NR2F1-AS1: variants seen among roughly 807,000 people sequenced by gnomAD.
NR2F1-AS1 encodes NR2F1 antisense RNA 1.
chr5:93,531,309 T>TAA (rs35973175), intron 4 of NR2F1-AS1, among the ~76,000 whole-genome samples: 108,999 of 151,342 alleles, frequency 0.72, 39,685 homozygotes, highest in East Asian at 0.85. Context: ...TGTTTGCAAG[T>TAA]AAAAATTGTA....
At chr5:93,475,037 T>C (rs2149872203) in intron 4 of NR2F1-AS1, among the ~76,000 whole-genome samples, 1 of 149,080 alleles carries the variant, frequency 6.7e-6, no homozygotes, top group South Asian at 2.1e-4. Flanking sequence ...GGCAGGAGAA[T>C]GGCGTGAACC....
chr5:93,414,089 C>A (rs1221656534), intron 4 of NR2F1-AS1, among the ~76,000 whole-genome samples: 1 of 152,124 alleles, frequency 6.6e-6, no homozygotes, highest in Non-Finnish European at 1.5e-5. Context: ...TGATACTTCA[C>A]ATATTTTGAA....
Position 93,512,925 on chromosome 5 carries a change from T to C in NR2F1-AS1, n.638+40836A>G, listed in dbSNP as rs539699152. Among the ~76,000 whole-genome samples, 4 of 152,272 alleles carry C rather than the reference T, an allele frequency of 2.6e-5. No homozygotes were observed. In the South Asian group the frequency reaches 8.3e-4, roughly 32 times the overall value. Reference sequence around the variant, plus strand: ...AAGGACAAAGTCACCTAATGACACATTTTTCAGGAAATATCCCCATCTTTG... The same window carrying C: ...AAGGACAAAGTCACCTAATGACACACTTTTCAGGAAATATCCCCATCTTTG... On this transcript the variant is annotated intron_variant and non_coding_transcript_variant, in intron 4 of 5. Transcript: ENST00000660523.
chr5:93,536,915 A>G (rs1359042679), intron 4 of NR2F1-AS1, among the ~76,000 whole-genome samples: 3 of 152,110 alleles, frequency 2.0e-5, no homozygotes, highest in Non-Finnish European at 1.5e-5. Context: ...AGTGGGTCTC[A>G]TGAGATCTGA....
At chr5:93,481,227 T>C (rs1037643500) in intron 4 of NR2F1-AS1, among the ~76,000 whole-genome samples, 4 of 151,804 alleles carry the variant, frequency 2.6e-5, no homozygotes, top group Non-Finnish European at 4.4e-5. Context: ...TATACTGATA[T>C]CAGGAAAAAA....
At chr5:93,466,252 C>G (rs1285519312) in intron 4 of NR2F1-AS1, among the ~76,000 whole-genome samples, 1 of 151,856 alleles carries the variant, frequency 6.6e-6, no homozygotes, top group Non-Finnish European at 1.5e-5. Context: ...TATCCACCCA[C>G]TTTTGCCATC....
chr5:93,487,999 C>T lies in NR2F1-AS1; in HGVS notation n.638+65762G>A, dbSNP rs1033723676. Among the ~76,000 whole-genome samples the T allele has an allele frequency of 2.0e-5, 3 of 152,126 alleles. 1 individual carries two copies. Among genetic ancestry groups the T allele is most frequent in the South Asian group, 4.1e-4 (2 of 4,824 alleles). ...AAAAACAAGCAATGTGGAAAGGATT[C>T]CCTATTTAATAAATGGTATTGGGAA... On this transcript the variant is annotated intron_variant and non_coding_transcript_variant, in intron 4 of 5. Coordinates refer to ENST00000660523, the Ensembl canonical transcript of NR2F1-AS1.
chr5:93,585,224 G>T (rs1172906988), upstream of NR2F1-AS1: 6 of 1,548,738 alleles, frequency 3.9e-6, no homozygotes, highest in East Asian at 9.8e-5. Flanking sequence ...CCGGCACGGC[G>T]GGGGACAAGG....
At position 93,443,867 on chromosome 5, in the gene NR2F1-AS1, C is replaced by T. The variant is rs983810401; in HGVS notation, n.639-48325G>A. On this transcript the variant is annotated intron_variant and non_coding_transcript_variant, in intron 4 of 5. Transcript: ENST00000660523. ...AGCAGATCTCTTGGCAGAAACTCTA[C>T]AAGCCAGAAGAGAGTGGGGGCCAAT... 4.6e-5 allele frequency among the ~76,000 whole-genome samples: 7 copies of T among 152,212 alleles called. No individual in the cohort carries two copies. In the East Asian group the frequency reaches 5.8e-4, roughly 13 times the overall value.
Position 93,484,548 on chromosome 5 carries a change from G to A in NR2F1-AS1, n.638+69213C>T, listed in dbSNP as rs550338141. ...CTATGAAGAAACTGCATCAACTAAC[G>A]AGCAAAATAACCACCTAGCATCATA... On this transcript the variant is annotated intron_variant and non_coding_transcript_variant, in intron 4 of 5. Coordinates refer to ENST00000660523, the Ensembl canonical transcript of NR2F1-AS1. Among the ~76,000 whole-genome samples the A allele has an allele frequency of 5.3e-5, 8 of 152,144 alleles. No homozygotes were observed. In the South Asian group the frequency reaches 1.7e-3, roughly 32 times the overall value.
chr5:93,451,185 A>G (rs181412409), intron 4 of NR2F1-AS1, among the ~76,000 whole-genome samples: 25 of 152,130 alleles, frequency 1.6e-4, no homozygotes, highest in Admixed American at 1.3e-3. Flanking sequence ...GTTAAGAAAG[A>G]ATTACTAATA....
intron 4 of NR2F1-AS1, among the ~76,000 whole-genome samples, chr5:93,498,219 GATAATA>G (rs151039264): frequency 6.6e-6 from 1 of 151,476 alleles, no homozygotes; most frequent in Non-Finnish European, 1.5e-5. Flanking sequence ...ACAACCAAAA[GATAATA>G]ATAATAATAA....
intron 4 of NR2F1-AS1, among the ~76,000 whole-genome samples, chr5:93,452,113 T>C (rs1022565581): frequency 1.3e-5 from 2 of 152,174 alleles, no homozygotes; most frequent in African/African-American, 4.8e-5. Flanking sequence ...TTAAAAACAA[T>C]AAATTATACT....
At chr5:93,443,949 T>A (rs1375507167) in intron 4 of NR2F1-AS1, among the ~76,000 whole-genome samples, 2 of 152,164 alleles carry the variant, frequency 1.3e-5, no homozygotes, top group African/African-American at 4.8e-5. Flanking sequence ...CCAGCCAAAC[T>A]AAGTTTCATA....
At chr5:93,451,559 C>G (rs984397240) in intron 4 of NR2F1-AS1, among the ~76,000 whole-genome samples, 1 of 152,006 alleles carries the variant, frequency 6.6e-6, no homozygotes, top group African/African-American at 2.4e-5. Context: ...TGTACCACCA[C>G]GCCTGGCTTA....
At chr5:93,516,413 A>C (rs1434568000) in intron 4 of NR2F1-AS1, among the ~76,000 whole-genome samples, 1 of 151,842 alleles carries the variant, frequency 6.6e-6, no homozygotes, top group Non-Finnish European at 1.5e-5. Context: ...TGTAAAAAGA[A>C]ATAATAATAA....
chr5:93,526,043 T>G (rs571876764), intron 4 of NR2F1-AS1, among the ~76,000 whole-genome samples: 1 of 152,090 alleles, frequency 6.6e-6, no homozygotes, highest in South Asian at 2.1e-4. Context: ...AAAAAAACCC[T>G]TCAAAAAATC....
chr5:93,501,088 C>G (rs945450805), intron 4 of NR2F1-AS1, among the ~76,000 whole-genome samples: 6 of 152,002 alleles, frequency 3.9e-5, no homozygotes, highest in Non-Finnish European at 1.5e-5. Context: ...TCAACATGAG[C>G]AGGAGTTTGG....
intron 4 of NR2F1-AS1, among the ~76,000 whole-genome samples, chr5:93,520,687 T>A (rs1364845184): frequency 6.6e-6 from 1 of 152,088 alleles, no homozygotes; most frequent in Non-Finnish European, 1.5e-5. Context: ...AATTCTCGTC[T>A]TCCATCAAAA....
Sources: allele counts gnomAD v4.1 joint callset (sites outside exome capture counted in the v4.1 genomes callset), GRCh38; gene constraint gnomAD v4.1.1; transcripts MANE v1.5; gene names NCBI Gene and HGNC (gene_info 2026-07-23, HGNC 2026-07-21).